USP38: variants seen among roughly 807,000 people sequenced by gnomAD.
USP38 encodes ubiquitin carboxyl-terminal hydrolase 38.
Under a neutral mutation model 94.3 loss-of-function variants are expected in USP38, and 49 were observed. The ratio of observed to expected loss-of-function variants is 0.52; its 90% CI spans 0.41 to 0.66. The LOEUF (loss-of-function observed/expected upper bound fraction) is 0.66, where lower values mean the gene tolerates loss of function less well. Among genes scored for constraint, USP38 ranks in the 30% least tolerant of loss-of-function variants. The pLI is 0.00. For missense variants in USP38, 1,128 were observed against 1,229.4 expected (o/e 0.92, Z 1.23); for synonymous variants, 468 against 463.6 (o/e 1.01, Z -0.12).
chr4:143,223,349 A>T lies in USP38; in HGVS notation c.*2893A>T, dbSNP rs1295643039. On this transcript the variant is annotated 3_prime_UTR_variant, in exon 10 of 10. Transcript: ENST00000307017. ...TTGTTGGTAGATCCTTTGGATGTAG[A>T]GATAAAAATTCATTATGATGCTAGA... 6.6e-6 allele frequency: 1 copy of T among 152,120 alleles called. No homozygotes were observed. The highest frequency in any genetic ancestry group is 6.6e-5 in the Admixed American group (1 of 15,242). The allele number at this position is 152,120 out of a possible 1,614,324, so 9.4% of individuals were successfully genotyped here.
Position 143,209,557 on chromosome 4 carries a change from CTTTCAG to C in USP38, c.1404_1409del. On this transcript the variant is annotated splice_acceptor_variant and splice_polypyrimidine_tract_variant and intron_variant, in intron 6 of 9. Coordinates refer to ENST00000307017, the MANE Select transcript of USP38 (RefSeq NM_032557.6). LOFTEE classifies it high-confidence loss of function. ...ACATATATATAAATCATTATATTCT[CTTTCAG>C]TTTCAGGAGACAAGTATTATCTTTA... is the stretch of plus-strand genomic sequence containing the variant. The C allele has an allele frequency of 6.0e-6, 9 of 1,488,570 alleles. No homozygotes were observed. Among genetic ancestry groups the C allele is most frequent in the Non-Finnish European group, 7.5e-6 (8 of 1,073,216 alleles). 92.2% of individuals were successfully genotyped at this position (1,488,570 alleles called of 1,614,324 possible). A position where few individuals can be genotyped will look rare whatever the true frequency, so the allele number is the denominator to read the frequency against.
rs751266347 is a variant in USP38, at chr4:143,209,519, T to C, written c.1404-45T>C. ...AAAAAAAAAGCTTTTAATAAATGCA[T>C]GTGTTTGTACGCACATATATATAAA... On this transcript the variant is annotated intron_variant, in intron 6 of 9. Coordinates refer to ENST00000307017, the MANE Select transcript of USP38 (RefSeq NM_032557.6). 2.6e-6 allele frequency: 3 copies of C among 1,165,706 alleles called. No homozygotes were observed. In the South Asian group the frequency reaches 4.4e-5, roughly 17 times the overall value. 72.2% of individuals were successfully genotyped at this position (1,165,706 alleles called of 1,614,324 possible).
At chr4:143,197,688 A>G in intron 3 of USP38, 135 bp from the exon 4 acceptor site, 1 of 600,324 alleles carries the variant, frequency 1.7e-6, no homozygotes, top group South Asian at 2.3e-5. Context: ...CCAAAGTTTA[A>G]TAATATAAGT....
chr4:143,188,654 T>C (rs967576191), intron 2 of USP38, among the ~76,000 whole-genome samples: 1 of 152,126 alleles, frequency 6.6e-6, no homozygotes, highest in Non-Finnish European at 1.5e-5. Context: ...TTCTTAGCAC[T>C]TTGGCACTTT....
chr4:143,211,051 C>T (rs1228200026), intron 7 of USP38, among the ~76,000 whole-genome samples: 1 of 151,856 alleles, frequency 6.6e-6, no homozygotes, highest in Non-Finnish European at 1.5e-5. Context: ...GATTTTTGTG[C>T]TTTATCACTA....
At chr4:143,191,039 G>A (rs1258414919) in intron 2 of USP38, among the ~76,000 whole-genome samples, 1 of 151,698 alleles carries the variant, frequency 6.6e-6, no homozygotes, top group East Asian at 1.9e-4. Context: ...CATTTCCAGT[G>A]TAGCCTGCGT....
At position 143,212,349 on chromosome 4, in the gene USP38, A is replaced by G; in HGVS notation, c.1529A>G (p.Glu510Gly). The G allele has an allele frequency of 6.2e-7, 1 of 1,612,072 alleles. No homozygotes were observed. The highest frequency in any genetic ancestry group is 8.5e-7 in the Non-Finnish European group (1 of 1,178,914). The change falls in exon 8 of 10, where the codon GAG becomes GGG. Residue 510 changes from glutamate (E) to glycine (G), a missense_variant. By Grantham distance (98) the Glu-to-Gly change is moderately conservative (BLOSUM62 -2). Transcript: ENST00000307017. ...REAYAPRIFFEASRPPWFTPR... is the reference protein window; with the variant it reads ...REAYAPRIFFGASRPPWFTPR... ...GCATACGCACCTCGGATATTCTTTG[A>G]GGCTTCCAGACCTCCATGGTTTACT...
rs193118450 is a variant in USP38, at chr4:143,210,542, G to A, written c.1497+885G>A. On this transcript the variant is annotated intron_variant, in intron 7 of 9. Transcript: ENST00000307017. ...GTGGAGCTTGCGGTGAGCCGAGATC[G>A]TGCCACTGCACTCCAGCCTAGCTAA... 3.9e-3 allele frequency among the ~76,000 whole-genome samples: 590 copies of A among 151,714 alleles called. 4 individuals are homozygous for A. Among genetic ancestry groups the A allele is most frequent in the Non-Finnish European group, 5.3e-3 (358 of 67,946 alleles).
intron 1 of USP38, among the ~76,000 whole-genome samples, 183 bp from the exon 2 acceptor site, chr4:143,187,643 T>A (rs987645081): frequency 2.6e-5 from 4 of 152,240 alleles, no homozygotes; most frequent in Admixed American, 6.5e-5. Flanking sequence ...TCACTCCTAA[T>A]CTTTCATTCC....
At chr4:143,211,629 T>C (rs1488445950) in intron 7 of USP38, among the ~76,000 whole-genome samples, 1 of 152,212 alleles carries the variant, frequency 6.6e-6, no homozygotes, top group Non-Finnish European at 1.5e-5. Flanking sequence ...ATAATCAAAA[T>C]GTCAAGAGAA....
intron 1 of USP38, among the ~76,000 whole-genome samples, chr4:143,187,137 T>C (rs1459876412): frequency 6.6e-6 from 1 of 152,240 alleles, no homozygotes; most frequent in African/African-American, 2.4e-5. Context: ...TTGTCATAAC[T>C]GTTAGGTTCC....
In USP38 at chr4:143,185,544, T is replaced by G; in HGVS notation, c.94T>G (p.Trp32Gly). The change falls in exon 1 of 10, where the codon TGG (tryptophan) becomes GGG (glycine). Residue 32 changes from tryptophan (W) to glycine (G), a missense_variant. Transcript: ENST00000307017. ...GAAGGTGGTGGAATCGGCGGAGCAC[T>G]GGCTAGACGAGGCGCAGTGCGAGGC... ...VRKVVESAEHWLDEAQCEAMF... is the reference protein window; with the variant it reads ...VRKVVESAEHGLDEAQCEAMF... 6.2e-7 allele frequency: 1 copy of G among 1,613,950 alleles called. No individual in the cohort carries two copies. The highest frequency in any genetic ancestry group is 8.5e-7 in the Non-Finnish European group (1 of 1,179,922).
chr4:143,202,829 G>A (rs1731754716), intron 4 of USP38, among the ~76,000 whole-genome samples: 1 of 151,984 alleles, frequency 6.6e-6, no homozygotes, highest in Admixed American at 6.6e-5. Flanking sequence ...CTTTTGCTGT[G>A]AAATGGGATT....
At chr4:143,217,754 G>A in intron 9 of USP38, among the ~76,000 whole-genome samples, 1 of 152,086 alleles carries the variant, frequency 6.6e-6, no homozygotes, top group East Asian at 1.9e-4. Context: ...TTTGAGTATT[G>A]GCAAGATCCG....
chr4:143,213,904 G>C lies in USP38; in HGVS notation c.1928G>C (p.Gly643Ala). 6.2e-7 allele frequency: 1 copy of C among 1,613,822 alleles called. No individual in the cohort carries two copies. The highest frequency in any genetic ancestry group is 8.5e-7 in the Non-Finnish European group (1 of 1,179,854). The change falls in exon 9 of 10, where the codon GGT becomes GCT. Residue 643 changes from glycine (G) to alanine (A), a missense_variant. Coordinates refer to ENST00000307017, the MANE Select transcript of USP38 (RefSeq NM_032557.6). ...GCATCATCACCCAGTATACAAGATGGTGGTCTAATGCAAGCCTCTGTACCC... is the reference window on the plus strand; with the variant it reads ...GCATCATCACCCAGTATACAAGATGCTGGTCTAATGCAAGCCTCTGTACCC... ...DPASSPSIQD[G>A]GLMQASVPGP...
chr4:143,186,179 GTC>G (rs1418995803), intron 1 of USP38, 47 bp downstream of exon 1: 1 of 1,562,198 alleles, frequency 6.4e-7, no homozygotes, highest in East Asian at 2.2e-5. Context: ...ATCAGTATAT[GTC>G]TCTCTTGCAC....
chr4:143,214,794 A>G lies in USP38; in HGVS notation c.2818A>G (p.Thr940Ala). The G allele has an allele frequency of 6.2e-7, 1 of 1,613,800 alleles. No individual in the cohort carries two copies. The highest frequency in any genetic ancestry group is 8.5e-7 in the Non-Finnish European group (1 of 1,179,806). ...AATTACGAGCAGGTTTCCAAAGGAC[A>G]CAGCTTATGTGCTTTTGTATAAAAA... ...QKITSRFPKD[T>A]AYVLLYKKQH... The change falls in exon 9 of 10, where the codon ACA (threonine) becomes GCA (alanine). Residue 940 changes from threonine (T) to alanine (A), a missense_variant. Thr to Ala is a moderately conservative substitution (Grantham distance 58). Coordinates refer to ENST00000307017, the MANE Select transcript of USP38 (RefSeq NM_032557.6).
Position 143,214,585 on chromosome 4 carries a change from C to G in USP38, c.2609C>G (p.Ser870Cys), listed in dbSNP as rs747365564. 6.2e-7 allele frequency: 1 copy of G among 1,613,606 alleles called. No homozygotes were observed. The highest frequency in any genetic ancestry group is 1.1e-5 in the South Asian group (1 of 91,064). The change falls in exon 9 of 10, where the codon TCT (serine) becomes TGT (cysteine). Residue 870 changes from serine (S) to cysteine (C), a missense_variant. Physicochemically the swap from Ser to Cys is moderately radical, Grantham distance 112. Transcript: ENST00000307017. ...SYARNITSTD[S>C]SYQMYHQSEA... is the part of the protein sequence containing the mutation. Reference sequence around the variant, plus strand: ...GCCAGGAATATCACAAGTACAGACTCTTCATATCAGATGTACCACCAGTCT... The same window carrying G: ...GCCAGGAATATCACAAGTACAGACTGTTCATATCAGATGTACCACCAGTCT...
intron 2 of USP38, 75 bp from the exon 3 acceptor site, chr4:143,195,641 T>C (rs1207140629): frequency 3.5e-6 from 5 of 1,420,698 alleles, no homozygotes; most frequent in Non-Finnish European, 9.4e-7. Context: ...AGTGATTATC[T>C]ACTGTAACTC....
Sources: gnomAD v4.1 joint callset for allele counts (sites outside exome capture counted in the v4.1 genomes callset) on GRCh38, gnomAD v4.1.1 for gene constraint, MANE v1.5 for transcripts, NCBI Gene and HGNC (gene_info 2026-07-23, HGNC 2026-07-21) for gene names.